The following PCNX2 variants were observed in gnomAD, a reference collection of about 807,000 sequenced individuals.
PCNX2 encodes the protein pecanex 2.
PCNX2 carries 168 observed loss-of-function variants against 223.8 expected under a neutral mutation model. The observed-to-expected ratio is 0.75, with a 90% CI of 0.66 to 0.85. The LOEUF is 0.85. Among genes scored for constraint, PCNX2 ranks in the 40% least tolerant of loss-of-function variants. PCNX2 has a pLI of 0.00. For missense variants in PCNX2, 2,507 were observed against 2,675.5 expected (o/e 0.94, Z 1.39); for synonymous variants, 1,006 against 1,052.6 (o/e 0.96, Z 0.86).
chr1:233,211,745 G>A, intron 12 of PCNX2: 1 of 982,798 alleles, frequency 1.0e-6, no homozygotes. Context: ...CCAGACCCAA[G>A]GACTCAGCCT....
intron 9 of PCNX2, among the ~76,000 whole-genome samples, chr1:233,227,880 TTAAAAC>T (rs1345513463): frequency 6.6e-6 from 1 of 152,160 alleles, no homozygotes; most frequent in African/African-American, 2.4e-5. Context: ...ATCTAAATCA[TTAAAAC>T]TAAAATGTGG....
chr1:233,099,886 G>T (rs1374639323), intron 21 of PCNX2, among the ~76,000 whole-genome samples: 2 of 152,150 alleles, frequency 1.3e-5, no homozygotes, highest in African/African-American at 4.8e-5. Flanking sequence ...ATATTGTATT[G>T]AAGTACTTTA....
intron 9 of PCNX2, among the ~76,000 whole-genome samples, chr1:233,228,979 A>G (rs1029772459): frequency 2.0e-5 from 3 of 152,368 alleles, no homozygotes; most frequent in Non-Finnish European, 4.4e-5. Flanking sequence ...AGGGATGAGT[A>G]TGGGACAAAG....
At chr1:233,110,491 G>A (rs1044921845) in intron 21 of PCNX2, among the ~76,000 whole-genome samples, 2 of 152,200 alleles carry the variant, frequency 1.3e-5, no homozygotes, top group Admixed American at 6.5e-5. Flanking sequence ...CTGACAAAAT[G>A]TCTTGCCAAT....
At chr1:233,162,688 T>C (rs1189181923) in intron 17 of PCNX2, among the ~76,000 whole-genome samples, 1 of 152,196 alleles carries the variant, frequency 6.6e-6, no homozygotes, top group African/African-American at 2.4e-5. Context: ...ACCAGACCTT[T>C]CTAGAGGAAC....
intron 28 of PCNX2, among the ~76,000 whole-genome samples, chr1:233,011,017 T>C (rs1042278808): frequency 1.6e-4 from 24 of 152,210 alleles, no homozygotes; most frequent in African/African-American, 5.5e-4. Flanking sequence ...GCACTAACTA[T>C]GTAACAATGA....
chr1:233,237,013 C>G, intron 8 of PCNX2, 33 bp from the exon 9 acceptor site: 1 of 1,612,452 alleles, frequency 6.2e-7, no homozygotes, highest in Non-Finnish European at 8.5e-7. Context: ...CTTTGGTTAC[C>G]TGGTAATACC....
chr1:233,203,181 G>A (rs968885739), intron 13 of PCNX2, among the ~76,000 whole-genome samples: 2 of 152,144 alleles, frequency 1.3e-5, no homozygotes, highest in African/African-American at 4.8e-5. Context: ...ACCCCATACA[G>A]GCCATGTGGC....
intron 17 of PCNX2, among the ~76,000 whole-genome samples, chr1:233,162,903 C>G (rs1297135021): frequency 3.3e-5 from 5 of 152,146 alleles, no homozygotes; most frequent in Non-Finnish European, 7.3e-5. Context: ...CAGTCGGCCA[C>G]CAGTATGACT....
chr1:233,137,422 T>C (rs528197553), intron 20 of PCNX2, among the ~76,000 whole-genome samples: 1 of 152,232 alleles, frequency 6.6e-6, no homozygotes, highest in Non-Finnish European at 1.5e-5. Context: ...AATATATGGG[T>C]AAATAATTAT....
Position 233,295,101 on chromosome 1 carries a change from C to A in PCNX2, c.153+225G>T, listed in dbSNP as rs1185071218. Among the ~76,000 whole-genome samples the A allele has an allele frequency of 2.0e-5, 3 of 152,110 alleles. No homozygotes were observed. The highest frequency in any genetic ancestry group is 1.3e-4 in the Admixed American group (2 of 15,278). On this transcript the variant is annotated intron_variant, in intron 1 of 33. Transcript: ENST00000258229. The surrounding 1 kb of genome is among the most constrained non-coding windows in gnomAD (Gnocchi z 4.1). ...ATCCGGCATCAATTCTTAATGAGTC[C>A]CCGAGCCCCCGCAGTCCTGTCTACT...
intron 23 of PCNX2, among the ~76,000 whole-genome samples, chr1:233,084,100 A>G (rs1419461221): frequency 6.6e-6 from 1 of 152,202 alleles, no homozygotes; most frequent in Non-Finnish European, 1.5e-5. Flanking sequence ...ACTTCTGAGG[A>G]GTGATCATCT....
chr1:233,142,878 A>C lies in PCNX2; in HGVS notation c.3518-3023T>G, dbSNP rs538201561. ...TCCCACCATCCCCAGCTTGTGCTCA[A>C]ACCTTTTGCTCTACTCTTCTCCCAT... On this transcript the variant is annotated intron_variant, in intron 19 of 33. Transcript: ENST00000258229. 5.3e-5 allele frequency among the ~76,000 whole-genome samples: 8 copies of C among 152,044 alleles called. No individual in the cohort carries two copies. The South Asian group carries it at 1.5e-3, about 28-fold the overall frequency.
intron 13 of PCNX2, among the ~76,000 whole-genome samples, chr1:233,208,311 A>G (rs1681606199): frequency 6.6e-6 from 1 of 152,222 alleles, no homozygotes; most frequent in Non-Finnish European, 1.5e-5. Flanking sequence ...CTTGGTCATA[A>G]ATATCAAAAT....
At chr1:232,993,267 G>A (rs1472791399) in intron 32 of PCNX2, among the ~76,000 whole-genome samples, 1 of 152,186 alleles carries the variant, frequency 6.6e-6, no homozygotes, top group East Asian at 1.9e-4. Flanking sequence ...AGATGAAGAT[G>A]AGAAACTTTT....
intron 21 of PCNX2, among the ~76,000 whole-genome samples, chr1:233,108,484 G>C (rs1674932032): frequency 6.6e-6 from 1 of 152,206 alleles, no homozygotes; most frequent in South Asian, 2.1e-4. Context: ...GGGAGCCATA[G>C]AAATTGCCGG....
intron 5 of PCNX2, among the ~76,000 whole-genome samples, chr1:233,256,921 G>A (rs1319595103): frequency 6.6e-6 from 1 of 152,100 alleles, no homozygotes; most frequent in Non-Finnish European, 1.5e-5. Context: ...ACTAAGAAAC[G>A]TTACTACCTA....
At chr1:233,059,718 C>T (rs1272119821) in intron 23 of PCNX2, among the ~76,000 whole-genome samples, 1 of 152,174 alleles carries the variant, frequency 6.6e-6, no homozygotes, top group Non-Finnish European at 1.5e-5. Context: ...TTCTGAAGTT[C>T]TTGTCCTTAT....
At position 233,058,130 on chromosome 1, in the gene PCNX2, C is replaced by T. The variant is rs924305991; in HGVS notation, c.4077-840G>A. On this transcript the variant is annotated intron_variant, in intron 23 of 33. Coordinates refer to ENST00000258229, the MANE Select transcript of PCNX2 (RefSeq NM_014801.4). The stretch of plus-strand genomic sequence containing the variant: ...GAACCTATTCCATCATGTAAACACC[C>T]CTCAGTGCACAGCTTTTGTAAGGCA... 5.9e-6 allele frequency: 5 copies of T among 854,174 alleles called. No homozygotes were observed. In the Admixed American group the frequency reaches 2.5e-4, roughly 42 times the overall value. 52.9% of individuals were successfully genotyped at this position (854,174 alleles called of 1,614,324 possible).
Sources: gnomAD v4.1 joint callset for allele counts (sites outside exome capture counted in the v4.1 genomes callset) on GRCh38, gnomAD v4.1.1 for gene constraint, Gnocchi (gnomAD v3.1) non-coding constraint, MANE v1.5 for transcripts, NCBI Gene and HGNC (gene_info 2026-07-23, HGNC 2026-07-21) for gene names.